The following SLC5A6 variants were observed in gnomAD, a reference collection of about 807,000 sequenced individuals.
SLC5A6 encodes sodium-dependent multivitamin transporter.
A neutral mutation model predicts 67.9 loss-of-function variants in SLC5A6; 31 were observed. The ratio of observed to expected loss-of-function variants is 0.46; its 90% CI spans 0.34 to 0.62. The LOEUF (loss-of-function observed/expected upper bound fraction) is 0.62. SLC5A6 is among the 20% of genes least tolerant of loss of function. The probability of loss-of-function intolerance (pLI) is 0.01; values close to 1 mark genes in which losing one functional copy is unlikely to be tolerated. For synonymous variants in SLC5A6, 343 were observed against 331.0 expected (o/e 1.04, Z -0.39); for missense variants, 673 against 812.8 (o/e 0.83, Z 2.09).
At position 27,201,731 on chromosome 2, in the gene SLC5A6, G is replaced by A; in HGVS notation, c.1479C>T (p.Phe493=). 6.2e-7 allele frequency: 1 copy of A among 1,614,198 alleles called. No individual in the cohort carries two copies. The highest frequency in any genetic ancestry group is 1.7e-5 in the Admixed American group (1 of 60,026). The stretch of plus-strand genomic sequence containing the variant: ...CAACGGTTAGATTGGTGGGCAGGGA[G>A]AAGCTGGACCCATTAGAGGGAGAGG... The part of the protein sequence containing the change: ...MPPSPSNGSS[F]SLPTNLTVAT... Residue 493 remains phenylalanine, a synonymous_variant, in exon 14 of 17, where the codon TTC becomes TTT. Coordinates refer to ENST00000310574, the MANE Select transcript of SLC5A6 (RefSeq NM_021095.4).
At chr2:27,211,425 C>T (rs1674495684) in intron 2 of SLC5A6, 42 bp downstream of exon 2, 1 of 152,420 alleles carries the variant, frequency 6.6e-6, no homozygotes, top group South Asian at 2.1e-4. Context: ...GCCCTTCAGT[C>T]AGGGCGCTGG....
Position 27,206,862 on chromosome 2 carries a change from C to T in SLC5A6, c.459+15G>A, listed in dbSNP as rs768507821. 3.1e-6 allele frequency: 5 copies of T among 1,606,330 alleles called. No individual in the cohort carries two copies. The highest frequency in any genetic ancestry group is 2.7e-5 in the African/African-American group (2 of 74,796). On this transcript the variant is annotated intron_variant, in intron 4 of 16. Transcript: ENST00000310574. ...AACATGCCCTAGGCTCGGTTTCTATCCTCATTCTGCTTACCATCTGAAAGA... is the reference window on the plus strand; with the variant it reads ...AACATGCCCTAGGCTCGGTTTCTATTCTCATTCTGCTTACCATCTGAAAGA...
chr2:27,201,981 C>T lies in SLC5A6; in HGVS notation c.1362+7G>A. On this transcript the variant is annotated splice_region_variant and intron_variant, in intron 13 of 16. Coordinates refer to ENST00000310574, the MANE Select transcript of SLC5A6 (RefSeq NM_021095.4). ...CACATGACTGTGGATCCAGATGCAT[C>T]ACTCACAGGAGGGTTAGCACATGGA... The T allele has an allele frequency of 1.9e-6, 3 of 1,612,690 alleles. No individual in the cohort carries two copies. The highest frequency in any genetic ancestry group is 2.5e-6 in the Non-Finnish European group (3 of 1,178,676).
rs1266613897 is a variant in SLC5A6, at chr2:27,201,407, T to C, written c.1591A>G (p.Ser531Gly). 8 of 1,613,666 alleles carry C rather than the reference T, an allele frequency of 5.0e-6. No homozygotes were observed. Among genetic ancestry groups the C allele is most frequent in the Non-Finnish European group, 5.9e-6 (7 of 1,179,700 alleles). Reference protein sequence around the residue: ...RFYSLSYLWYSAHNSTTVIVV... With the variant: ...RFYSLSYLWYGAHNSTTVIVV... ...ATCACTGTGGTGGAGTTGTGAGCAC[T>C]GTACCATAAGTAAGACAAGGAATAG... The change falls in exon 15 of 17, where the codon AGT becomes GGT. Residue 531 changes from serine (S) to glycine (G), a missense_variant. Coordinates refer to ENST00000310574, the MANE Select transcript of SLC5A6 (RefSeq NM_021095.4).
Position 27,207,587 on chromosome 2 carries a change from A to G in SLC5A6, c.64T>C (p.Ser22Pro). Residue 22 changes from serine (S) to proline (P), a missense_variant, in exon 3 of 17, where the codon TCT (serine) becomes CCT (proline). Coordinates refer to ENST00000310574, the MANE Select transcript of SLC5A6 (RefSeq NM_021095.4). This position sits in a 1 kb window ranked among gnomAD's most constrained non-coding sequence, Gnocchi z 5.5. The part of the protein sequence containing the change: ...SPTSGTSVGM[S>P]TFSIMDYVVF... ...ACATAGTCCATGATGGAGAAGGTAG[A>G]CATGCCCACGCTTGTGCCCGAGGTT... 6.2e-7 allele frequency: 1 copy of G among 1,614,270 alleles called. No individual in the cohort carries two copies. The highest frequency in any genetic ancestry group is 8.5e-7 in the Non-Finnish European group (1 of 1,180,038).
chr2:27,200,853 C>CA lies in SLC5A6; in HGVS notation c.1764+144dup. 3 of 636,576 alleles carry CA rather than the reference C, an allele frequency of 4.7e-6. No individual in the cohort carries two copies. The South Asian group carries it at 5.8e-5, about 12-fold the overall frequency. The allele number at this position is 636,576 out of a possible 1,614,324, so 39.4% of individuals were successfully genotyped here. On this transcript the variant is annotated intron_variant, in intron 16 of 16. Coordinates refer to ENST00000310574, the MANE Select transcript of SLC5A6 (RefSeq NM_021095.4). The stretch of plus-strand genomic sequence containing the variant: ...GCAGTCCTGTGGGTAGAACCTGAGA[C>CA]AGCCGTGTGGGACAGCCTAGGCTTA...
rs551286330 is a variant in SLC5A6, at chr2:27,207,693, G to A, written c.-43C>T. 6.3e-6 allele frequency: 10 copies of A among 1,577,308 alleles called. No individual in the cohort carries two copies. The African/African-American group carries it at 1.3e-4, about 21-fold the overall frequency. ...GATCTGCAGCCAGTTGCTGCTCCAG[G>A]GCTCTGGGGTAGGGCAGGGGCGGAT... On this transcript the variant is annotated 5_prime_UTR_variant, in exon 3 of 17. Coordinates refer to ENST00000310574, the MANE Select transcript of SLC5A6 (RefSeq NM_021095.4). This position sits in a 1 kb window ranked among gnomAD's most constrained non-coding sequence, Gnocchi z 5.5.
chr2:27,206,191 T>C (rs997257438), intron 5 of SLC5A6, 98 bp from the exon 6 acceptor site: 1 of 1,020,534 alleles, frequency 9.8e-7, no homozygotes, highest in Non-Finnish European at 1.5e-6. Context: ...GATAAAGCAT[T>C]GGTCATTAAC....
intron 13 of SLC5A6, 28 bp downstream of exon 13, chr2:27,201,960 T>G: frequency 3.7e-6 from 6 of 1,608,984 alleles, no homozygotes; most frequent in Non-Finnish European, 4.3e-6. Flanking sequence ...CTGCTACACA[T>G]GACTGTGGAT....
rs1167559077 is a variant in SLC5A6, at chr2:27,200,173, T to C, written c.*263A>G. On this transcript the variant is annotated 3_prime_UTR_variant, in exon 17 of 17. Coordinates refer to ENST00000310574, the MANE Select transcript of SLC5A6 (RefSeq NM_021095.4). The stretch of plus-strand genomic sequence containing the variant: ...TTCCCAGAGGATGCACTTCCATCCC[T>C]ATTTCTGGCATGATCCTGCTCCCTA... 1 of 360,104 alleles carries C rather than the reference T, an allele frequency of 2.8e-6. No individual in the cohort carries two copies. The highest frequency in any genetic ancestry group is 5.0e-6 in the Non-Finnish European group (1 of 199,770). 22.3% of individuals were successfully genotyped at this position (360,104 alleles called of 1,614,324 possible).
At position 27,207,460 on chromosome 2, in the gene SLC5A6, C is replaced by T. The variant is rs753474534; in HGVS notation, c.191G>A (p.Arg64His). 55 of 1,614,142 alleles carry T rather than the reference C, an allele frequency of 3.4e-5. No individual in the cohort carries two copies. The Admixed American group carries it at 5.3e-4, about 16-fold the overall frequency. Reference sequence around the variant, plus strand: ...TGCCACCGGAAGGCAGCCCATTTTGCGGTCCGCCATCAGCAGCTCACCAAC... The same window carrying T: ...TGCCACCGGAAGGCAGCCCATTTTGTGGTCCGCCATCAGCAGCTCACCAAC... ...HTVGELLMAD[R>H]KMGCLPVALS... is the part of the protein sequence containing the mutation. The change falls in exon 3 of 17, where the codon CGC (arginine) becomes CAC (histidine). Residue 64 changes from arginine (R) to histidine (H), a missense_variant. Arg to His is a conservative substitution (Grantham distance 29). Transcript: ENST00000310574. The surrounding 1 kb of genome is among the most constrained non-coding windows in gnomAD (Gnocchi z 5.5).
chr2:27,202,769 C>T, intron 12 of SLC5A6, 44 bp downstream of exon 12: 4 of 1,536,188 alleles, frequency 2.6e-6, no homozygotes, highest in Non-Finnish European at 3.6e-6. Flanking sequence ...TCAATCAATT[C>T]CTTCTCTCCC....
At chr2:27,212,711 C>T (rs928548142), upstream of SLC5A6, 2 of 1,240,388 alleles carry the variant, frequency 1.6e-6, no homozygotes, top group African/African-American at 3.1e-5. Flanking sequence ...TTTAGAATAA[C>T]TTTAAGTTCT....
In SLC5A6 at chr2:27,212,034, G is replaced by A. The variant is rs957054707; in HGVS notation, c.-222C>T. 1.2e-5 allele frequency: 10 copies of A among 844,448 alleles called. No individual in the cohort carries two copies. The highest frequency in any genetic ancestry group is 3.8e-5 in the Admixed American group (1 of 26,292). The allele number at this position is 844,448 out of a possible 1,614,324, so 52.3% of individuals were successfully genotyped here. ...GCCATGTTTACTGAGGGCGGATGGA[G>A]GGGCCCGAGTTTCTGCGAAGCCGCG... On this transcript the variant is annotated 5_prime_UTR_variant, in exon 1 of 17. Transcript: ENST00000310574.
intron 11 of SLC5A6, 93 bp from the exon 12 acceptor site, chr2:27,202,973 C>T: frequency 1.3e-6 from 2 of 1,568,094 alleles, no homozygotes; most frequent in Non-Finnish European, 1.7e-6. Context: ...AAACTACCAC[C>T]TCTGTCTCTC....
intron 2 of SLC5A6, among the ~76,000 whole-genome samples, chr2:27,208,210 A>T (rs1473485243): frequency 6.6e-6 from 1 of 152,214 alleles, no homozygotes; most frequent in Non-Finnish European, 1.5e-5. Context: ...GACTAATGGC[A>T]GCAGGGCTTC....
rs199952152 is a variant in SLC5A6 at position 27,205,399 on chromosome 2, C to A, written c.685G>T (p.Gly229Trp). The change falls in exon 7 of 17, where the codon GGG becomes TGG. Residue 229 changes from glycine (G) to tryptophan (W), a missense_variant. By Grantham distance (184) the Gly-to-Trp change is radical. Coordinates refer to ENST00000310574, the MANE Select transcript of SLC5A6 (RefSeq NM_021095.4). ...IVGSAKVGGLGRVWAVASQHG... is the reference protein window; with the variant it reads ...IVGSAKVGGLWRVWAVASQHG... Reference sequence around the variant, plus strand: ...TGGGAAGCCACGGCCCACACACGCCCCAAGCCGCCCACCTTGGCTGACCCC... The same window carrying A: ...TGGGAAGCCACGGCCCACACACGCCACAAGCCGCCCACCTTGGCTGACCCC... The A allele has an allele frequency of 6.1e-5, 98 of 1,614,076 alleles. No individual in the cohort carries two copies. The highest frequency in any genetic ancestry group is 8.1e-5 in the Non-Finnish European group (96 of 1,180,042).
chr2:27,203,058 C>T, intron 11 of SLC5A6, 175 bp downstream of exon 11: 2 of 1,487,188 alleles, frequency 1.3e-6, no homozygotes, highest in Non-Finnish European at 1.8e-6. Flanking sequence ...ACTCAGAGAC[C>T]TCCCTAGGAC....
At chr2:27,202,975 C>T in intron 11 of SLC5A6, 95 bp from the exon 12 acceptor site, 1 of 1,568,486 alleles carries the variant, frequency 6.4e-7, no homozygotes, top group South Asian at 1.2e-5. Context: ...ACTACCACCT[C>T]TGTCTCTCTG....
Sources: gnomAD v4.1 joint callset for allele counts (sites outside exome capture counted in the v4.1 genomes callset) on GRCh38, gnomAD v4.1.1 for gene constraint, Gnocchi (gnomAD v3.1) non-coding constraint, MANE v1.5 for transcripts, NCBI Gene and HGNC (gene_info 2026-07-23, HGNC 2026-07-21) for gene names.